Variants in RCBTB1 observed in about 807,000 individuals in gnomAD.
RCBTB1 encodes RCC1 and BTB domain-containing protein 1.
RCBTB1 carries 46 observed loss-of-function variants against 62.4 expected under a neutral mutation model. The observed-to-expected ratio is 0.74, with a 90% confidence interval of 0.58 to 0.94. The LOEUF is 0.94. Among genes scored for constraint, RCBTB1 ranks in the 40% least tolerant of loss-of-function variants. The probability of loss-of-function intolerance (pLI) is 0.00; values close to 1 mark genes in which losing one functional copy is unlikely to be tolerated. For synonymous variants in RCBTB1, 222 were observed against 245.8 expected (o/e 0.90, Z 0.91); for missense variants, 565 against 654.9 (o/e 0.86, Z 1.50).
chr13:49,540,916 G>A lies in RCBTB1; in HGVS notation c.1415C>T (p.Ala472Val). 2 of 1,613,810 alleles carry A rather than the reference G, an allele frequency of 1.2e-6. No individual in the cohort carries two copies. The highest frequency in any genetic ancestry group is 1.7e-6 in the Non-Finnish European group (2 of 1,179,926). The change falls in exon 12 of 13, where the codon GCC becomes GTC. Residue 472 changes from alanine (A) to valine (V), a missense_variant. Physicochemically the swap from Ala to Val is moderately conservative, Grantham distance 64. Transcript: ENST00000378302. ...IIKRGITVENAFSLFSAAVRY... is the reference protein window; with the variant it reads ...IIKRGITVENVFSLFSAAVRY... ...GACTGCAGCAGAGAATAGCGAAAAG[G>A]CATTCTCCACAGTAATTCCTCTCTT...
intron 4 of RCBTB1, among the ~76,000 whole-genome samples, chr13:49,564,300 G>C (rs750756518): frequency 3.9e-5 from 6 of 152,158 alleles, no homozygotes; most frequent in Non-Finnish European, 8.8e-5. Context: ...TTAGAAAAAT[G>C]TACCGGCCGG....
At position 49,574,664 on chromosome 13, in the gene RCBTB1, A is replaced by G. The variant is rs150128027; in HGVS notation, c.-42+5841T>C. Among the ~76,000 whole-genome samples the G allele has an allele frequency of 3.3e-3, 486 of 148,750 alleles. 1 individual carries two copies. Among genetic ancestry groups the G allele is most frequent in the Non-Finnish European group, 5.9e-3 (398 of 67,444 alleles). On this transcript the variant is annotated intron_variant, in intron 2 of 12. Coordinates refer to ENST00000378302, the MANE Select transcript of RCBTB1 (RefSeq NM_018191.4). ...ATGTAAGATGATACAGCTGCTATAGAAAACCAGATGGTGATTCCTTAAAAA... is the reference window on the plus strand; with the variant it reads ...ATGTAAGATGATACAGCTGCTATAGGAAACCAGATGGTGATTCCTTAAAAA...
chr13:49,574,276 G>A (rs1034580196), intron 2 of RCBTB1, among the ~76,000 whole-genome samples: 11 of 150,168 alleles, frequency 7.3e-5, no homozygotes, highest in African/African-American at 2.5e-4. Flanking sequence ...GCACCACCAC[G>A]CCTGGCTAAT....
At chr13:49,575,136 A>C (rs1963687797) in intron 2 of RCBTB1, among the ~76,000 whole-genome samples, 1 of 152,198 alleles carries the variant, frequency 6.6e-6, no homozygotes, top group African/African-American at 2.4e-5. Flanking sequence ...AGTTCTAGGC[A>C]ACAAATATGT....
At chr13:49,564,691 A>G (rs1001823921) in intron 4 of RCBTB1, among the ~76,000 whole-genome samples, 2 of 151,068 alleles carry the variant, frequency 1.3e-5, no homozygotes, top group South Asian at 2.1e-4. Context: ...GGAGATCGAG[A>G]CCATCCTGGC....
chr13:49,565,890 A>G (rs532186727), intron 4 of RCBTB1, among the ~76,000 whole-genome samples: 88 of 151,882 alleles, frequency 5.8e-4, no homozygotes, highest in African/African-American at 2.1e-3. Flanking sequence ...AGAAGTAGAC[A>G]TAGGAGACTC....
rs1959735124 is a variant in RCBTB1, at chr13:49,533,962, AC to A, written c.*159del. The A allele has an allele frequency of 1.7e-6, 1 of 598,306 alleles. No homozygotes were observed. The highest frequency in any genetic ancestry group is 2.8e-6 in the Non-Finnish European group (1 of 361,654). 37.1% of individuals were successfully genotyped at this position (598,306 alleles called of 1,614,324 possible). ...AAAATGGGCTCAAGAAAAGCCGTAC[AC>A]CCTTGTTATGTTCCTACACAAACAA... is the stretch of plus-strand genomic sequence containing the variant. On this transcript the variant is annotated 3_prime_UTR_variant, in exon 13 of 13. Coordinates refer to ENST00000378302, the MANE Select transcript of RCBTB1 (RefSeq NM_018191.4).
At chr13:49,569,619 G>A (rs1963263732) in intron 2 of RCBTB1, among the ~76,000 whole-genome samples, 1 of 151,870 alleles carries the variant, frequency 6.6e-6, no homozygotes, top group Admixed American at 6.6e-5. Flanking sequence ...GGGAGGCTGA[G>A]GCAGGAGAAT....
At chr13:49,573,911 G>A (rs781493775) in intron 2 of RCBTB1, among the ~76,000 whole-genome samples, 1 of 148,662 alleles carries the variant, frequency 6.7e-6, no homozygotes, top group Non-Finnish European at 1.5e-5. Flanking sequence ...AGCCTCCCGA[G>A]TAGCTGGAAT....
intron 5 of RCBTB1, among the ~76,000 whole-genome samples, chr13:49,558,968 T>C (rs189425061): frequency 6.6e-6 from 1 of 152,348 alleles, no homozygotes; most frequent in East Asian, 1.9e-4. Context: ...CTTTGTTAAA[T>C]ATATGTATTA....
intron 1 of RCBTB1, among the ~76,000 whole-genome samples, chr13:49,581,455 T>C (rs893975288): frequency 3.3e-5 from 5 of 152,178 alleles, no homozygotes; most frequent in Non-Finnish European, 7.3e-5. Context: ...TCAGGGGTGA[T>C]GAGTCCTACT....
At chr13:49,557,301 C>T (rs995146203) in intron 5 of RCBTB1, among the ~76,000 whole-genome samples, 7 of 151,920 alleles carry the variant, frequency 4.6e-5, no homozygotes, top group African/African-American at 1.7e-4. Flanking sequence ...AATGACAAGA[C>T]TTGACCAAAG....
chr13:49,543,323 A>C (rs1960534461), intron 10 of RCBTB1, among the ~76,000 whole-genome samples: 1 of 152,188 alleles, frequency 6.6e-6, no homozygotes, highest in African/African-American at 2.4e-5. Flanking sequence ...CTTACATAAA[A>C]AATTACCTGA....
intron 4 of RCBTB1, among the ~76,000 whole-genome samples, chr13:49,560,627 T>G (rs1253534737): frequency 4.1e-5 from 6 of 146,880 alleles, no homozygotes; most frequent in Non-Finnish European, 7.6e-5. Context: ...TTTTTTTTTT[T>G]ACATAAAGCA....
intron 2 of RCBTB1, among the ~76,000 whole-genome samples, chr13:49,570,758 A>C (rs1272312124): frequency 2.6e-5 from 4 of 152,238 alleles, no homozygotes; most frequent in African/African-American, 9.6e-5. Flanking sequence ...GCCTTGTCGT[A>C]GACACTGTTA....
Position 49,555,656 on chromosome 13 carries a change from A to G in RCBTB1, c.462T>C (p.Tyr154=). 1.2e-6 allele frequency: 2 copies of G among 1,601,042 alleles called. No individual in the cohort carries two copies. The highest frequency in any genetic ancestry group is 1.7e-6 in the Non-Finnish European group (2 of 1,173,184). The change falls in exon 6 of 13, where the codon TAT becomes TAC. Residue 154 remains tyrosine, a synonymous_variant. Transcript: ENST00000378302. ...AADGEVFAWG[Y]NNCGQVGSGS... ...CTGATCCCACTTGGCCACAGTTGTTATAACCCCAAGCAAACACCTACAAGA... is the reference window on the plus strand; with the variant it reads ...CTGATCCCACTTGGCCACAGTTGTTGTAACCCCAAGCAAACACCTACAAGA...
intron 7 of RCBTB1, among the ~76,000 whole-genome samples, chr13:49,551,957 CA>C (rs1429905345): frequency 9.4e-5 from 7 of 74,770 alleles, no homozygotes; most frequent in South Asian, 5.3e-4. Context: ...TGAATTTTTC[CA>C]TTTTTTTTTT....
At chr13:49,577,808 C>A (rs1963872676) in intron 2 of RCBTB1, among the ~76,000 whole-genome samples, 1 of 152,162 alleles carries the variant, frequency 6.6e-6, no homozygotes, top group Admixed American at 6.5e-5. Flanking sequence ...AGCATACAAG[C>A]TACAGCAAGC....
chr13:49,569,904 T>C (rs1049081763), intron 2 of RCBTB1, among the ~76,000 whole-genome samples: 7 of 151,970 alleles, frequency 4.6e-5, no homozygotes, highest in Non-Finnish European at 7.4e-5. Context: ...GGAGACCCTG[T>C]CTCAAAAAGA....
Sources: gnomAD v4.1 joint callset for allele counts (sites outside exome capture counted in the v4.1 genomes callset) on GRCh38, gnomAD v4.1.1 for gene constraint, MANE v1.5 for transcripts, NCBI Gene and HGNC (gene_info 2026-07-23, HGNC 2026-07-21) for gene names.